TBC1D12: variants seen among roughly 807,000 people sequenced by gnomAD.
TBC1D12 encodes TBC1 domain family, member 12.
TBC1D12 carries 56 observed loss-of-function variants against 86.7 expected under a neutral mutation model. That is an observed-to-expected ratio of 0.65 (90% confidence interval 0.52 to 0.81). TBC1D12 has a LOEUF of 0.81. Ranked by LOEUF, TBC1D12 falls within the 30% of genes least tolerant of loss-of-function variation. TBC1D12 has a pLI of 0.00. For missense variants in TBC1D12, 1,023 were observed against 1,038.8 expected, an observed-to-expected ratio of 0.98 and a Z score of 0.21; for synonymous variants, 421 against 411.7, an observed-to-expected ratio of 1.02 and a Z score of -0.27.
At chr10:94,491,478 C>G (rs1018051037) in intron 3 of TBC1D12, among the ~76,000 whole-genome samples, 3 of 152,160 alleles carry the variant, frequency 2.0e-5, no homozygotes, top group Admixed American at 6.5e-5. Flanking sequence ...CTCTGTGAAG[C>G]CATTGATTTG....
intron 9 of TBC1D12, among the ~76,000 whole-genome samples, chr10:94,513,885 G>A (rs79918624): frequency 0.022 from 3,340 of 152,060 alleles, 124 homozygotes; most frequent in African/African-American, 0.074. Flanking sequence ...TAAATATAAC[G>A]TTGTATAATT....
intron 1 of TBC1D12, among the ~76,000 whole-genome samples, chr10:94,428,086 G>A (rs1178608485): frequency 2.0e-5 from 3 of 152,082 alleles, no homozygotes; most frequent in South Asian, 4.2e-4. Flanking sequence ...CTTGATTGTT[G>A]TATGGAGGAC....
chr10:94,451,318 T>C (rs2055546229), intron 2 of TBC1D12, among the ~76,000 whole-genome samples: 1 of 152,030 alleles, frequency 6.6e-6, no homozygotes, highest in African/African-American at 2.4e-5. Context: ...TATATGTAAA[T>C]TAAACAAAAA....
intron 1 of TBC1D12, among the ~76,000 whole-genome samples, chr10:94,411,211 T>C (rs2054923351): frequency 6.6e-6 from 1 of 152,230 alleles, no homozygotes; most frequent in Non-Finnish European, 1.5e-5. Flanking sequence ...TCAGCTCTTC[T>C]TTCTTTTCTG....
chr10:94,502,224 C>T (rs184617123), intron 6 of TBC1D12, among the ~76,000 whole-genome samples: 4 of 151,886 alleles, frequency 2.6e-5, no homozygotes, highest in Admixed American at 2.0e-4. Context: ...CCCAGCTACT[C>T]GGGAGGCTGA....
chr10:94,500,408 T>A, intron 6 of TBC1D12, 81 bp downstream of exon 6: 1 of 1,135,702 alleles, frequency 8.8e-7, no homozygotes, highest in Non-Finnish European at 1.2e-6. Context: ...AGAGTGACCA[T>A]TAAAATAAAT....
intron 1 of TBC1D12, among the ~76,000 whole-genome samples, chr10:94,423,838 G>A (rs1245322766): frequency 6.6e-6 from 1 of 152,136 alleles, no homozygotes; most frequent in Non-Finnish European, 1.5e-5. Context: ...GAGAAGGAAT[G>A]GCAGAGTGGG....
intron 2 of TBC1D12, among the ~76,000 whole-genome samples, chr10:94,448,057 T>G (rs2055496448): frequency 6.6e-6 from 1 of 151,892 alleles, no homozygotes; most frequent in Admixed American, 6.6e-5. Flanking sequence ...AAAGTTTAAG[T>G]TGAGTGGTTG....
At position 94,422,085 on chromosome 10, in the gene TBC1D12, G is replaced by A. The variant is rs150269119; in HGVS notation, c.971+18501G>A. ...AACCAGTTTAGTTTGTATTTTAATA[G>A]GGGAAATAAGATGTGTATTTAGCTA... On this transcript the variant is annotated intron_variant, in intron 1 of 12. Coordinates refer to ENST00000225235, the MANE Select transcript of TBC1D12 (RefSeq NM_015188.2). Among the ~76,000 whole-genome samples the A allele has an allele frequency of 2.9e-4, 44 of 152,142 alleles. No homozygotes were observed. The East Asian group carries it at 7.7e-3, about 27-fold the overall frequency.
intron 5 of TBC1D12, among the ~76,000 whole-genome samples, chr10:94,499,109 T>G (rs778890042): frequency 6.6e-6 from 1 of 152,188 alleles, no homozygotes; most frequent in Non-Finnish European, 1.5e-5. Flanking sequence ...TATGGAATGA[T>G]TAAATCAAGC....
In TBC1D12 at chr10:94,437,232, C is replaced by T. The variant is rs370115951; in HGVS notation, c.972-4664C>T. On this transcript the variant is annotated intron_variant, in intron 1 of 12. Coordinates refer to ENST00000225235, the MANE Select transcript of TBC1D12 (RefSeq NM_015188.2). ...TCAGCAGTTTGACTATAATGTATCT[C>T]AGTGTGAACCTCCTTGAGTTTATTC... Among the ~76,000 whole-genome samples the T allele has an allele frequency of 1.2e-4, 18 of 152,218 alleles. No homozygotes were observed. The East Asian group carries it at 3.5e-3, about 29-fold the overall frequency.
intron 2 of TBC1D12, among the ~76,000 whole-genome samples, chr10:94,449,479 A>G (rs192213868): frequency 2.0e-5 from 3 of 152,252 alleles, no homozygotes; most frequent in East Asian, 3.9e-4. Context: ...AATCAGCTAA[A>G]CCCTGTCTAT....
chr10:94,451,801 T>C (rs529785984), intron 2 of TBC1D12, among the ~76,000 whole-genome samples: 5 of 152,202 alleles, frequency 3.3e-5, no homozygotes, highest in African/African-American at 1.2e-4. Context: ...TGGAAGACAG[T>C]TTGAAGGCTA....
At chr10:94,480,437 CT>C (rs1297483417) in intron 3 of TBC1D12, among the ~76,000 whole-genome samples, 2 of 152,026 alleles carry the variant, frequency 1.3e-5, no homozygotes, top group East Asian at 3.9e-4. Context: ...TAGTAGGCTT[CT>C]TTTTTTCACT....
rs1842531436 is a variant in TBC1D12 at position 94,535,866 on chromosome 10, A to G, written c.*2770A>G. On this transcript the variant is annotated 3_prime_UTR_variant, in exon 13 of 13. Coordinates refer to ENST00000225235, the MANE Select transcript of TBC1D12 (RefSeq NM_015188.2). The stretch of plus-strand genomic sequence containing the variant: ...ATAAATGTGTATATAAAATGTAAAT[A>G]CAAAGAATTCACTAAAAACCACTCA... 6.6e-6 allele frequency: 1 copy of G among 152,194 alleles called. No homozygotes were observed. The highest frequency in any genetic ancestry group is 1.5e-5 in the Non-Finnish European group (1 of 68,010). 9.4% of individuals were successfully genotyped at this position (152,194 alleles called of 1,614,324 possible).
chr10:94,517,039 C>A lies in TBC1D12; in HGVS notation c.1762-4916C>A, dbSNP rs1389457477. ...CTGGGTTTATGTATGAGCCACTGCA[C>A]CCAGCCTACACTAGACTTTAAAAAA... On this transcript the variant is annotated intron_variant, in intron 9 of 12. Coordinates refer to ENST00000225235, the MANE Select transcript of TBC1D12 (RefSeq NM_015188.2). Among the ~76,000 whole-genome samples, 3 of 152,030 alleles carry A rather than the reference C, an allele frequency of 2.0e-5. No homozygotes were observed. In the East Asian group the frequency reaches 5.8e-4, roughly 30 times the overall value.
chr10:94,478,680 A>G (rs965966181), intron 3 of TBC1D12, among the ~76,000 whole-genome samples: 3 of 152,252 alleles, frequency 2.0e-5, no homozygotes, highest in African/African-American at 7.2e-5. Context: ...TCTAAAGGTC[A>G]AGAGCCATCA....
intron 1 of TBC1D12, among the ~76,000 whole-genome samples, chr10:94,413,975 G>T (rs2054962865): frequency 6.6e-6 from 1 of 151,990 alleles, no homozygotes; most frequent in African/African-American, 2.4e-5. Context: ...CATCTAGACT[G>T]TTCGTAGCCA....
At chr10:94,425,652 A>G (rs2055136311) in intron 1 of TBC1D12, among the ~76,000 whole-genome samples, 1 of 152,170 alleles carries the variant, frequency 6.6e-6, no homozygotes, top group Admixed American at 6.5e-5. Flanking sequence ...GAAGACAGCT[A>G]ATTAAATTTG....
Sources: gnomAD v4.1 joint callset for allele counts (sites outside exome capture counted in the v4.1 genomes callset) on GRCh38, gnomAD v4.1.1 for gene constraint, MANE v1.5 for transcripts, NCBI Gene and HGNC (gene_info 2026-07-23, HGNC 2026-07-21) for gene names.